Variants in ADCY3 observed in about 807,000 individuals in gnomAD.
ADCY3 encodes the protein adenylate cyclase 3, also known as adenylate cyclase type 3.
A neutral mutation model predicts 119.4 loss-of-function variants in ADCY3; 70 were observed. That is an observed-to-expected ratio of 0.59 (90% CI 0.48 to 0.72). The LOEUF (loss-of-function observed/expected upper bound fraction) is 0.72. ADCY3 is among the 30% of genes least tolerant of loss of function. The pLI is 0.00. For synonymous variants in ADCY3, 672 were observed against 621.4 expected (o/e 1.08, Z -1.21); for missense variants, 1,238 against 1,541.6 (o/e 0.80, Z 3.30).
chr2:24,828,014 T>C lies in ADCY3; in HGVS notation c.2320A>G (p.Met774Val). Residue 774 changes from methionine to valine, a missense_variant, in exon 14 of 22, where the codon ATG (methionine) becomes GTG (valine). Met to Val is a conservative substitution (Grantham distance 21). This residue lies in a region of ADCY3 where 499 missense variants were observed against 571.0 expected (regional missense o/e 0.87). Coordinates refer to ENST00000679454, the MANE Select transcript of ADCY3 (RefSeq NM_004036.5). ...AGCAGCATGAGCGTGAGCTTCACCA[T>C]GTGGCTGACCTGCACCAGCATGATG... ...ATIMLVQVSH[M>V]VKLTLMLLVA... 5 of 1,614,244 alleles carry C rather than the reference T, an allele frequency of 3.1e-6. No individual in the cohort carries two copies. Among genetic ancestry groups the C allele is most frequent in the Middle Eastern group, 1.6e-4 (1 of 6,062 alleles).
intron 16 of ADCY3, 87 bp downstream of exon 16, chr2:24,825,958 A>G: frequency 7.7e-7 from 1 of 1,298,880 alleles, no homozygotes; most frequent in Non-Finnish European, 1.1e-6. Context: ...ATTCCTTAGG[A>G]GCTTGGGCTC....
At chr2:24,828,263 G>A (rs896984111) in intron 13 of ADCY3, 102 bp from the exon 14 acceptor site, 63 of 1,406,710 alleles carry the variant, frequency 4.5e-5, no homozygotes, top group Middle Eastern at 2.6e-4. Context: ...GCCACCTCCC[G>A]CGGCTCCCCC....
intron 13 of ADCY3, among the ~76,000 whole-genome samples, chr2:24,830,135 G>A (rs1669267389): frequency 6.7e-6 from 1 of 149,014 alleles, no homozygotes; most frequent in Admixed American, 6.7e-5. Context: ...CCGCCTCCTG[G>A]GTTCAAGCGA....
chr2:24,901,061 G>A (rs1217616284), intron 2 of ADCY3, among the ~76,000 whole-genome samples: 6 of 152,062 alleles, frequency 3.9e-5, no homozygotes, highest in East Asian at 1.9e-4. Flanking sequence ...GTGAGACTCC[G>A]TCTCAAAAAA....
chr2:24,842,517 T>A lies in ADCY3; in HGVS notation c.826-133A>T. ...AACCATGCTGCCCTCCAGAGAGACC[T>A]CACAGATCTGCCTCGGGAGCAGCCA... On this transcript the variant is annotated intron_variant, in intron 3 of 21. Transcript: ENST00000679454. The surrounding 1 kb of genome is among the most constrained non-coding windows in gnomAD (Gnocchi z 4.9). 1 of 1,208,922 alleles carries A rather than the reference T, an allele frequency of 8.3e-7. No homozygotes were observed. Among genetic ancestry groups the A allele is most frequent in the Non-Finnish European group, 1.2e-6 (1 of 868,410 alleles). 74.9% of individuals were successfully genotyped at this position (1,208,922 alleles called of 1,614,324 possible).
chr2:24,830,813 T>G lies in ADCY3; in HGVS notation c.2068A>C (p.Lys690Gln). 1 of 1,613,874 alleles carries G rather than the reference T, an allele frequency of 6.2e-7. No homozygotes were observed. Among genetic ancestry groups the G allele is most frequent in the South Asian group, 1.1e-5 (1 of 91,046 alleles). Residue 690 changes from lysine (K) to glutamine (Q), a missense_variant, in exon 13 of 22, where the codon AAG (lysine) becomes CAG (glutamine). Lys to Gln is a moderately conservative substitution (Grantham distance 53). Coordinates refer to ENST00000679454, the MANE Select transcript of ADCY3 (RefSeq NM_004036.5). ...ATCCAAGTTGAGAAGGCCACAAGCTTCTTAGGAAAGGCCTAGAAGGAACAG... is the reference window on the plus strand; with the variant it reads ...ATCCAAGTTGAGAAGGCCACAAGCTGCTTAGGAAAGGCCTAGAAGGAACAG... ...AAIFPRAFPK[K>Q]LVAFSTWIDR...
chr2:24,912,145 C>T (rs907701719), intron 2 of ADCY3, among the ~76,000 whole-genome samples: 5 of 152,042 alleles, frequency 3.3e-5, no homozygotes, highest in African/African-American at 7.2e-5. Flanking sequence ...AGCACATACC[C>T]GTGGAATCTA....
intron 2 of ADCY3, among the ~76,000 whole-genome samples, chr2:24,912,571 G>GCA (rs1558528802): frequency 5.7e-5 from 4 of 69,862 alleles, no homozygotes; most frequent in African/African-American, 3.7e-4. Flanking sequence ...GTGTGTGCAT[G>GCA]TGTGTGTGTG....
At chr2:24,830,910 C>T (rs557744565) in intron 12 of ADCY3, 85 bp from the exon 13 acceptor site, 31 of 1,057,430 alleles carry the variant, frequency 2.9e-5, no homozygotes, top group South Asian at 2.5e-4. Context: ...AGGCTGGTCC[C>T]GTATTCCAGT....
intron 2 of ADCY3, among the ~76,000 whole-genome samples, chr2:24,897,272 C>T (rs1191357412): frequency 2.0e-5 from 3 of 151,840 alleles, no homozygotes; most frequent in African/African-American, 2.4e-5. Flanking sequence ...TCTCCTCCTC[C>T]TCCTCCTCCC....
chr2:24,837,033 C>T lies in ADCY3; in HGVS notation c.1546G>A (p.Gly516Arg), dbSNP rs1457639828. Residue 516 changes from glycine to arginine, a missense_variant, in exon 9 of 22, where the codon GGA becomes AGA. By Grantham distance (125) the Gly-to-Arg change is moderately radical (BLOSUM62 -2). Around this residue, in one of 7 missense-constraint regions of ADCY3, gnomAD observed 499 missense variants for 571.0 expected, o/e 0.87. Coordinates refer to ENST00000679454, the MANE Select transcript of ADCY3 (RefSeq NM_004036.5). ...CTGGACTTTGAGGAAGCTGGTGCTC[C>T]ATTGGGCAGGGCCTAGAGGAAAGGA... is the stretch of plus-strand genomic sequence containing the variant. ...NGLNGSALPN[G>R]APASSKSSSP... The T allele has an allele frequency of 6.2e-7, 1 of 1,613,990 alleles. No individual in the cohort carries two copies. The highest frequency in any genetic ancestry group is 8.5e-7 in the Non-Finnish European group (1 of 1,179,978).
Position 24,918,413 on chromosome 2 carries a change from A to G in ADCY3, c.575T>C (p.Ile192Thr). The G allele has an allele frequency of 6.2e-7, 1 of 1,613,960 alleles. No individual in the cohort carries two copies. The highest frequency in any genetic ancestry group is 1.3e-5 in the African/African-American group (1 of 75,066). The stretch of plus-strand genomic sequence containing the variant: ...CACCACACAGGAGACCACGGAGATG[A>G]TCACGATGGGGCTGAGGCTGAGGGG... ...TLPLSLSPIV[I>T]ISVVSCVVHT... The change falls in exon 2 of 22, where the codon ATC becomes ACC. Residue 192 changes from isoleucine to threonine, a missense_variant. Ile to Thr is a moderately conservative substitution (Grantham distance 89). Transcript: ENST00000679454. This position sits in a 1 kb window ranked among gnomAD's most constrained non-coding sequence, Gnocchi z 5.4.
intron 3 of ADCY3, among the ~76,000 whole-genome samples, chr2:24,860,444 G>A (rs1385841102): frequency 1.3e-5 from 2 of 152,238 alleles, no homozygotes; most frequent in African/African-American, 4.8e-5. Context: ...ATATGTGTTC[G>A]GCAGAGGCAA....
At chr2:24,901,521 A>G (rs1678898691) in intron 2 of ADCY3, among the ~76,000 whole-genome samples, 1 of 152,198 alleles carries the variant, frequency 6.6e-6, no homozygotes, top group African/African-American at 2.4e-5. Flanking sequence ...GACAGTAACA[A>G]TTTGGCCAAA....
At chr2:24,864,968 A>G (rs1674104044) in intron 3 of ADCY3, among the ~76,000 whole-genome samples, 1 of 152,352 alleles carries the variant, frequency 6.6e-6, no homozygotes, top group African/African-American at 2.4e-5. Context: ...ACACTTGCAC[A>G]TATATACTAT....
At chr2:24,877,652 C>T (rs911469816) in intron 2 of ADCY3, among the ~76,000 whole-genome samples, 1 of 152,168 alleles carries the variant, frequency 6.6e-6, no homozygotes, top group Non-Finnish European at 1.5e-5. Flanking sequence ...CTCTGAAACA[C>T]GAAGACGAGC....
chr2:24,820,269 C>A (rs568804827), intron 21 of ADCY3, 155 bp from the exon 22 acceptor site: 2 of 1,213,962 alleles, frequency 1.6e-6, no homozygotes, highest in African/African-American at 1.6e-5. Context: ...CCCTTCCACC[C>A]GTGGCGAGCA....
In ADCY3 at chr2:24,831,778, G is replaced by C. The variant is rs781129154; in HGVS notation, c.1968-29C>G. On this transcript the variant is annotated intron_variant, in intron 11 of 21. Coordinates refer to ENST00000679454, the MANE Select transcript of ADCY3 (RefSeq NM_004036.5). ...TGACAGAGAGAAGACAATTGGGAGA[G>C]GCCAGAGGGGACAGTGAGATGGGGT... 3.2e-6 allele frequency: 5 copies of C among 1,565,604 alleles called. No homozygotes were observed. In the Admixed American group the frequency reaches 8.4e-5, roughly 26 times the overall value.
chr2:24,838,833 C>T (rs10190584), intron 7 of ADCY3: 1 of 1,608,290 alleles, frequency 6.2e-7, no homozygotes, highest in Non-Finnish European at 8.5e-7. Context: ...CTGTGTGGGC[C>T]GTATGGCACT....
Sources: gnomAD v4.1 joint callset for allele counts (sites outside exome capture counted in the v4.1 genomes callset) on GRCh38, gnomAD v4.1.1 for gene constraint, gnomAD v4.1.1 regional missense constraint, Gnocchi (gnomAD v3.1) non-coding constraint, MANE v1.5 for transcripts, NCBI Gene and HGNC (gene_info 2026-07-23, HGNC 2026-07-21) for gene names.